The following DNAH9 variants were observed in gnomAD, a reference collection of about 807,000 sequenced individuals.
The protein encoded by DNAH9 is dynein axonemal heavy chain 9, also known as DNAH9 variant protein.
Under a neutral mutation model 471.6 loss-of-function variants are expected in DNAH9, and 345 were observed. The observed-to-expected ratio is 0.73, with a 90% CI of 0.67 to 0.80. The LOEUF (loss-of-function observed/expected upper bound fraction) is 0.80. Among genes scored for constraint, DNAH9 ranks in the 30% least tolerant of loss-of-function variants. The pLI, the probability that DNAH9 is intolerant of heterozygous loss-of-function variation, is 0.00. For missense variants in DNAH9, 5,407 were observed against 5,609.2 expected (o/e 0.96, Z 1.15); for synonymous variants, 2,093 against 2,123.6 (o/e 0.99, Z 0.40).
intron 19 of DNAH9, among the ~76,000 whole-genome samples, chr17:11,687,005 A>T (rs561179696): frequency 6.6e-6 from 1 of 152,344 alleles, no homozygotes; most frequent in Non-Finnish European, 1.5e-5. Context: ...AAGAATAAAC[A>T]CAAGAACTCC....
At chr17:11,930,783 T>G (rs1429324687) in intron 63 of DNAH9, among the ~76,000 whole-genome samples, 1 of 90,094 alleles carries the variant, frequency 1.1e-5, no homozygotes. Context: ...AAAAAAAAAA[T>G]TGCAGATTTT....
At position 11,928,057 on chromosome 17, in the gene DNAH9, A is replaced by G. The variant is rs555158444; in HGVS notation, c.11878-1809A>G. 3.9e-5 allele frequency among the ~76,000 whole-genome samples: 6 copies of G among 152,250 alleles called. No individual in the cohort carries two copies. The South Asian group carries it at 1.0e-3, about 26-fold the overall frequency. On this transcript the variant is annotated intron_variant, in intron 62 of 68. Coordinates refer to ENST00000262442, the MANE Select transcript of DNAH9 (RefSeq NM_001372.4). ...AATTTTCATCTCAACAACTACTACT[A>G]TCCCTTACATAGCATTTTACAGTAT...
intron 62 of DNAH9, among the ~76,000 whole-genome samples, chr17:11,929,549 G>C (rs1974437725): frequency 1.3e-5 from 2 of 152,164 alleles, no homozygotes; most frequent in African/African-American, 4.8e-5. Flanking sequence ...GATAGCAAGA[G>C]ATAAGAGTTT....
chr17:11,945,801 G>A (rs1448936484), intron 67 of DNAH9, among the ~76,000 whole-genome samples: 6 of 152,150 alleles, frequency 3.9e-5, no homozygotes, highest in African/African-American at 1.2e-4. Context: ...GCTCACGCCT[G>A]TAATCCCAGC....
At chr17:11,959,301 T>C (rs1975884323) in intron 67 of DNAH9, among the ~76,000 whole-genome samples, 1 of 152,210 alleles carries the variant, frequency 6.6e-6, no homozygotes. Flanking sequence ...TGGGGTCTCA[T>C]AAAACAAAGT....
intron 26 of DNAH9, among the ~76,000 whole-genome samples, chr17:11,708,004 C>CAG (rs2074747340): frequency 6.1e-5 from 3 of 49,006 alleles, no homozygotes; most frequent in African/African-American, 1.5e-4. Flanking sequence ...CACACACACA[C>CAG]ACACACACAC....
chr17:11,892,014 GA>G lies in DNAH9; in HGVS notation c.11283+70del, dbSNP rs1412253062. On this transcript the variant is annotated intron_variant, in intron 58 of 68. Coordinates refer to ENST00000262442, the MANE Select transcript of DNAH9 (RefSeq NM_001372.4). This position sits in a 1 kb window ranked among gnomAD's most constrained non-coding sequence, Gnocchi z 4.3. ...TTAGTGCCCAGACAGCAGGTGTTAA[GA>G]AACTTTCTTCTTTGAACATCACTTT... 11 of 1,561,086 alleles carry G rather than the reference GA, an allele frequency of 7.0e-6. No homozygotes were observed. The highest frequency in any genetic ancestry group is 2.3e-5 in the South Asian group (2 of 87,560).
At chr17:11,654,380 T>TAAAAAAAAAAAAAAAAAA (rs1555557829) in intron 14 of DNAH9, among the ~76,000 whole-genome samples, 1 of 110,494 alleles carries the variant, frequency 9.1e-6, no homozygotes, top group Non-Finnish European at 2.0e-5. Flanking sequence ...AAAAAAAAAG[T>TAAAAAAAAAAAAAAAAAA]TTAAAATCGA....
Position 11,768,493 on chromosome 17 carries a change from C to T in DNAH9, c.7211C>T (p.Thr2404Ile), listed in dbSNP as rs764899528. 3 of 1,614,028 alleles carry T rather than the reference C, an allele frequency of 1.9e-6. No homozygotes were observed. The highest frequency in any genetic ancestry group is 2.7e-5 in the African/African-American group (2 of 74,942). The change falls in exon 37 of 69, where the codon ACT (threonine) becomes ATT (isoleucine). Residue 2404 changes from threonine (T) to isoleucine (I), a missense_variant. By Grantham distance (89) the Thr-to-Ile change is moderately conservative. Around this residue, in one of 3 missense-constraint regions of DNAH9, gnomAD observed 4,636 missense variants for 4,900.3 expected, o/e 0.95. Coordinates refer to ENST00000262442, the MANE Select transcript of DNAH9 (RefSeq NM_001372.4). ...GCAGAGTTCAGCAAATGGTGGCTGA[C>T]TGAGTTCAAAACAGTCAAGTTTCCT... ...YRAEFSKWWLTEFKTVKFPSQ... is the reference protein window; with the variant it reads ...YRAEFSKWWLIEFKTVKFPSQ...
intron 14 of DNAH9, among the ~76,000 whole-genome samples, chr17:11,663,211 C>T (rs968936408): frequency 6.6e-6 from 1 of 152,146 alleles, no homozygotes; most frequent in African/African-American, 2.4e-5. Context: ...ACTATATGGC[C>T]TACATAATTT....
At chr17:11,834,491 G>A (rs901084498) in intron 48 of DNAH9, 147 bp from the exon 49 acceptor site, 2 of 967,462 alleles carry the variant, frequency 2.1e-6, no homozygotes, top group Non-Finnish European at 3.0e-6. Flanking sequence ...TGACAGCGCA[G>A]CTTTGTACCT....
intron 34 of DNAH9, 144 bp from the exon 35 acceptor site, chr17:11,757,401 A>T: frequency 1.4e-6 from 1 of 704,396 alleles, no homozygotes; most frequent in Non-Finnish European, 2.3e-6. Context: ...AAACCCATTT[A>T]CCCGCTCACA....
chr17:11,905,940 G>A, intron 61 of DNAH9, 131 bp downstream of exon 61: 4 of 1,213,396 alleles, frequency 3.3e-6, no homozygotes, highest in Non-Finnish European at 4.4e-6. Flanking sequence ...AGAAGTCAGG[G>A]TCATTGCTGA....
rs747548719 is a variant in DNAH9 at position 11,690,053 on chromosome 17, C to G, written c.4231C>G (p.Leu1411Val). 7 of 1,614,072 alleles carry G rather than the reference C, an allele frequency of 4.3e-6. No individual in the cohort carries two copies. The highest frequency in any genetic ancestry group is 5.9e-6 in the Non-Finnish European group (7 of 1,180,036). The change falls in exon 20 of 69, where the codon CTC becomes GTC. Residue 1411 changes from leucine (L) to valine (V), a missense_variant. Coordinates refer to ENST00000262442, the MANE Select transcript of DNAH9 (RefSeq NM_001372.4). Reference sequence around the variant, plus strand: ...CACCACCCTAGCGCACCTGCTGCAGCTCCAGCTGCACCACTATGAGGATGA... The same window carrying G: ...CACCACCCTAGCGCACCTGCTGCAGGTCCAGCTGCACCACTATGAGGATGA... ...QDTTLAHLLQLQLHHYEDEVR... is the reference protein window; with the variant it reads ...QDTTLAHLLQVQLHHYEDEVR...
At chr17:11,703,903 A>G (rs1050725355) in intron 24 of DNAH9, among the ~76,000 whole-genome samples, 1 of 152,158 alleles carries the variant, frequency 6.6e-6, no homozygotes, top group African/African-American at 2.4e-5. Context: ...TAAAAGACTG[A>G]TTCATCCCCG....
chr17:11,609,289 T>C (rs1175863124), intron 2 of DNAH9, among the ~76,000 whole-genome samples: 1 of 152,256 alleles, frequency 6.6e-6, no homozygotes, highest in Non-Finnish European at 1.5e-5. Context: ...ATATACAATT[T>C]GAAGTAATTT....
chr17:11,675,639 T>G (rs1221590117), intron 17 of DNAH9, among the ~76,000 whole-genome samples: 1 of 152,190 alleles, frequency 6.6e-6, no homozygotes, highest in African/African-American at 2.4e-5. Context: ...TAGGAGTATT[T>G]AGCATAAATG....
intron 67 of DNAH9, among the ~76,000 whole-genome samples, chr17:11,946,227 C>G (rs1975119185): frequency 1.4e-5 from 2 of 145,018 alleles, no homozygotes; most frequent in Admixed American, 6.9e-5. Context: ...AAAAAAGAGC[C>G]AGATTAGATC....
At chr17:11,676,973 C>T (rs2074059418) in intron 17 of DNAH9, among the ~76,000 whole-genome samples, 2 of 151,312 alleles carry the variant, frequency 1.3e-5, no homozygotes, top group Admixed American at 6.6e-5. Flanking sequence ...TATTAATTTC[C>T]AACTTAATTG....
Sources: gnomAD v4.1 joint callset for allele counts (sites outside exome capture counted in the v4.1 genomes callset) on GRCh38, gnomAD v4.1.1 for gene constraint, gnomAD v4.1.1 regional missense constraint, Gnocchi (gnomAD v3.1) non-coding constraint, MANE v1.5 for transcripts, NCBI Gene and HGNC (gene_info 2026-07-23, HGNC 2026-07-21) for gene names.